Variants in ARHGAP20 observed in about 807,000 individuals in gnomAD.
ARHGAP20 encodes Rho GTPase activating protein 20.
A neutral mutation model predicts 73.7 loss-of-function variants in ARHGAP20; 34 were observed. The ratio of observed to expected loss-of-function variants is 0.46; its 90% CI spans 0.35 to 0.61. The LOEUF is 0.61. Ranked by LOEUF, ARHGAP20 falls within the 20% of genes least tolerant of loss-of-function variation. ARHGAP20 has a pLI of 0.00. For missense variants in ARHGAP20, 1,314 were observed against 1,420.9 expected, an observed-to-expected ratio of 0.92 and a Z score of 1.21; for synonymous variants, 523 against 518.2, an observed-to-expected ratio of 1.01 and a Z score of -0.13.
At chr11:110,589,545 A>T (rs1409861014) in intron 11 of ARHGAP20, 1 of 985,336 alleles carries the variant, frequency 1.0e-6, no homozygotes, top group Non-Finnish European at 1.2e-6. Flanking sequence ...GCTCTGGTGC[A>T]TTCCAATCCT....
At chr11:110,630,542 T>G in intron 3 of ARHGAP20, 86 bp downstream of exon 3, 1 of 1,348,280 alleles carries the variant, frequency 7.4e-7, no homozygotes, top group Non-Finnish European at 1.0e-6. Context: ...CAAGACATTC[T>G]TACAGTAAGC....
At chr11:110,605,053 T>C (rs1948192113) in intron 9 of ARHGAP20, among the ~76,000 whole-genome samples, 2 of 152,118 alleles carry the variant, frequency 1.3e-5, no homozygotes, top group Admixed American at 6.6e-5. Context: ...ACAGAGTTAA[T>C]CTAGAGATGA....
rs1271785688 is a variant in ARHGAP20 at position 110,614,600 on chromosome 11, G to A, written c.591C>T (p.Pro197=). 2 of 1,613,004 alleles carry A rather than the reference G, an allele frequency of 1.2e-6. No individual in the cohort carries two copies. The highest frequency in any genetic ancestry group is 1.7e-5 in the Admixed American group (1 of 59,756). Residue 197 remains proline (P), a synonymous_variant, in exon 6 of 15, where the codon CCC becomes CCT. Transcript: ENST00000683387. Reference sequence around the variant, plus strand: ...CAATGTCCTTGGCGAAGATTTTGAGGGGAATGCTCTTCGGGTAGTCCTTTT... The same window carrying A: ...CAATGTCCTTGGCGAAGATTTTGAGAGGAATGCTCTTCGGGTAGTCCTTTT... The part of the protein sequence containing the change: ...EKEKDYPKSI[P]LKIFAKDIGN...
chr11:110,685,985 T>C (rs1950124854), intron 2 of ARHGAP20, among the ~76,000 whole-genome samples: 1 of 152,162 alleles, frequency 6.6e-6, no homozygotes, highest in Admixed American at 6.6e-5. Context: ...TGTTATCATC[T>C]TGGACTTCAG....
rs548451999 is a variant in ARHGAP20, at chr11:110,595,783, G to GA, written c.965-3629dup. Among the ~76,000 whole-genome samples the GA allele has an allele frequency of 7.5e-3, 1,135 of 152,094 alleles. 14 individuals are homozygous for GA. Among genetic ancestry groups the GA allele is most frequent in the Admixed American group, 0.021 (326 of 15,280 alleles). ...ACCAATGACTTTCTTCACAGAATTGGAAAAAACTACTTTAAAGTTCATATG... is the reference window on the plus strand; with the variant it reads ...ACCAATGACTTTCTTCACAGAATTGGAAAAAAACTACTTTAAAGTTCATATG... On this transcript the variant is annotated intron_variant, in intron 9 of 14. Transcript: ENST00000683387.
At chr11:110,639,242 C>G (rs984591589) in intron 2 of ARHGAP20, among the ~76,000 whole-genome samples, 5 of 149,728 alleles carry the variant, frequency 3.3e-5, no homozygotes, top group East Asian at 2.0e-4. Flanking sequence ...TTCGATACCC[C>G]CCCCCCACAA....
At chr11:110,712,578 T>G (rs1338469354), upstream of ARHGAP20, 1 of 152,284 alleles carries the variant, frequency 6.6e-6, no homozygotes, top group Non-Finnish European at 1.5e-5. Context: ...CGTCCCAGCC[T>G]GCGGCGCGCC....
rs1468951210 is a variant in ARHGAP20 at position 110,650,223 on chromosome 11, A to G, written c.189-19431T>C. On this transcript the variant is annotated intron_variant, in intron 2 of 14. Coordinates refer to ENST00000683387, the MANE Select transcript of ARHGAP20 (RefSeq NM_001384657.1). ...AGGGGGCACTTTAATTATAGTATGT[A>G]TCGAGGTAGGATGCAAATCTTATTT... Among the ~76,000 whole-genome samples the G allele has an allele frequency of 3.3e-5, 5 of 152,160 alleles. No individual in the cohort carries two copies. In the East Asian group the frequency reaches 9.6e-4, roughly 29 times the overall value.
intron 2 of ARHGAP20, among the ~76,000 whole-genome samples, 183 bp downstream of exon 2, chr11:110,690,364 A>G (rs371916874): frequency 2.6e-5 from 4 of 152,232 alleles, no homozygotes; most frequent in African/African-American, 9.6e-5. Flanking sequence ...GCAACTGAGC[A>G]TATATACCAG....
chr11:110,581,552 T>G (rs529173595), intron 14 of ARHGAP20, among the ~76,000 whole-genome samples: 10 of 152,336 alleles, frequency 6.6e-5, no homozygotes, highest in African/African-American at 2.4e-4. Context: ...AGTAAGACTC[T>G]GCCTTCTAAC....
intron 9 of ARHGAP20, among the ~76,000 whole-genome samples, chr11:110,597,923 A>G (rs1409770089): frequency 1.3e-5 from 2 of 152,242 alleles, no homozygotes; most frequent in Admixed American, 6.5e-5. Context: ...AGGCTAATGA[A>G]AAAACATGCT....
chr11:110,669,159 T>G (rs1022914203), intron 2 of ARHGAP20, among the ~76,000 whole-genome samples: 7 of 152,174 alleles, frequency 4.6e-5, no homozygotes, highest in African/African-American at 1.7e-4. Context: ...AAAACATTGT[T>G]ATGAGAGAAA....
chr11:110,586,064 G>C, intron 12 of ARHGAP20, 152 bp downstream of exon 12: 1 of 405,234 alleles, frequency 2.5e-6, no homozygotes, highest in Non-Finnish European at 4.4e-6. Flanking sequence ...TCAACTATAA[G>C]ATTAAGAAGG....
chr11:110,627,801 T>G (rs1038007925), intron 3 of ARHGAP20, among the ~76,000 whole-genome samples: 4 of 152,230 alleles, frequency 2.6e-5, no homozygotes, highest in Non-Finnish European at 5.9e-5. Context: ...GAATATTAAC[T>G]TCTTTCTAAA....
At chr11:110,688,855 G>C (rs910010306) in intron 2 of ARHGAP20, among the ~76,000 whole-genome samples, 8 of 152,108 alleles carry the variant, frequency 5.3e-5, no homozygotes, top group Non-Finnish European at 1.5e-5. Context: ...ATGTCTTCTG[G>C]GGGTAGGTGA....
At chr11:110,644,158 C>T (rs1041686819) in intron 2 of ARHGAP20, among the ~76,000 whole-genome samples, 10 of 151,770 alleles carry the variant, frequency 6.6e-5, no homozygotes, top group African/African-American at 2.2e-4. Flanking sequence ...TCTAAGATGA[C>T]GTAAATAAAT....
chr11:110,583,798 G>A (rs1422117994), intron 12 of ARHGAP20, 61 bp from the exon 13 acceptor site: 2 of 1,351,398 alleles, frequency 1.5e-6, no homozygotes, highest in Admixed American at 2.7e-5. Context: ...GTAAAGACAA[G>A]CAACTCTCAC....
At chr11:110,609,467 C>A (rs1248953112) in intron 7 of ARHGAP20, among the ~76,000 whole-genome samples, 1 of 152,132 alleles carries the variant, frequency 6.6e-6, no homozygotes, top group Admixed American at 6.5e-5. Context: ...TGCTTCTGAG[C>A]AGGAGAATGA....
intron 7 of ARHGAP20, 88 bp downstream of exon 7, chr11:110,611,221 G>T: frequency 1.3e-6 from 1 of 794,862 alleles, no homozygotes; most frequent in Non-Finnish European, 1.9e-6. Flanking sequence ...CTAATAATCA[G>T]CTGTCTTATG....
Sources: allele counts gnomAD v4.1 joint callset (sites outside exome capture counted in the v4.1 genomes callset), GRCh38; gene constraint gnomAD v4.1.1; transcripts MANE v1.5; gene names NCBI Gene and HGNC (gene_info 2026-07-23, HGNC 2026-07-21).